The following RFX2 variants were observed in gnomAD, a reference collection of about 807,000 sequenced individuals.
RFX2 encodes the protein DNA-binding protein RFX2.
Under a neutral mutation model 87.8 loss-of-function variants are expected in RFX2, and 20 were observed. The ratio of observed to expected loss-of-function variants is 0.23; its 90% confidence interval spans 0.16 to 0.33. The LOEUF (loss-of-function observed/expected upper bound fraction) is 0.33. RFX2 is among the 10% of genes least tolerant of loss of function. The pLI is 1.00. For synonymous variants in RFX2, 397 were observed against 431.3 expected, an observed-to-expected ratio of 0.92 and a Z score of 0.98; for missense variants, 767 against 1,012.3, an observed-to-expected ratio of 0.76 and a Z score of 3.29.
chr19:6,098,711 C>T (rs1435593064), intron 1 of RFX2, among the ~76,000 whole-genome samples: 2 of 152,046 alleles, frequency 1.3e-5, no homozygotes, highest in Non-Finnish European at 2.9e-5. Context: ...GAGGATTCTG[C>T]TTTGGCAGAT....
chr19:6,040,266 A>G lies in RFX2; in HGVS notation c.261-25T>C, dbSNP rs1488449415. 7.3e-6 allele frequency: 11 copies of G among 1,515,732 alleles called. No homozygotes were observed. The highest frequency in any genetic ancestry group is 8.9e-6 in the Non-Finnish European group (10 of 1,127,026). The allele number at this position is 1,515,732 out of a possible 1,614,324, so 93.9% of individuals were successfully genotyped here. A position where few individuals can be genotyped will look rare whatever the true frequency, so the allele number is the denominator to read the frequency against. Reference sequence around the variant, plus strand: ...TCTGTTAGAAAGAGAGAAGTCACGCATGGGACGCTGTCCCATTTAAATGCC... The same window carrying G: ...TCTGTTAGAAAGAGAGAAGTCACGCGTGGGACGCTGTCCCATTTAAATGCC... On this transcript the variant is annotated intron_variant, in intron 4 of 17. Transcript: ENST00000303657. This position sits in a 1 kb window ranked among gnomAD's most constrained non-coding sequence, Gnocchi z 6.1.
chr19:6,032,421 C>T lies in RFX2; in HGVS notation c.523-6184G>A, dbSNP rs560192554. 2.0e-5 allele frequency among the ~76,000 whole-genome samples: 3 copies of T among 152,260 alleles called. No homozygotes were observed. The South Asian group carries it at 6.2e-4, about 32-fold the overall frequency. On this transcript the variant is annotated intron_variant, in intron 5 of 17. Coordinates refer to ENST00000303657, the MANE Select transcript of RFX2 (RefSeq NM_000635.4). ...CTGGGATTACAGGCGTGAGCTACTG[C>T]GCCTGGCCCAAGAATGCAGATTGTT...
chr19:6,008,226 T>C lies in RFX2; in HGVS notation c.1016-2A>G. The C allele has an allele frequency of 6.5e-7, 1 of 1,544,658 alleles. No individual in the cohort carries two copies. Among genetic ancestry groups the C allele is most frequent in the Non-Finnish European group, 8.8e-7 (1 of 1,138,560 alleles). On this transcript the variant is annotated splice_acceptor_variant, in intron 9 of 17. Transcript: ENST00000303657. LOFTEE classifies it high-confidence loss of function. ...ACTCGGGGAAGACGTGGGAGACATC[T>C]GGGGGAGGAACACGGGAACATCAGA... is the stretch of plus-strand genomic sequence containing the variant.
At chr19:6,081,371 C>T (rs1209380759) in intron 1 of RFX2, among the ~76,000 whole-genome samples, 1 of 152,180 alleles carries the variant, frequency 6.6e-6, no homozygotes, top group Non-Finnish European at 1.5e-5. Context: ...GCTTCTAAGA[C>T]CTGTCTGTGG....
rs983714385 is a variant in RFX2, at chr19:6,004,713, A to G, written c.1403-415T>C. Among the ~76,000 whole-genome samples, 1 of 152,164 alleles carries G rather than the reference A, an allele frequency of 6.6e-6. No individual in the cohort carries two copies. The highest frequency in any genetic ancestry group is 1.5e-5 in the Non-Finnish European group (1 of 68,020). ...TGCCAAGGGAAAGAGGCCTTGACAC[A>G]AACACACACACACACGTAAATACAT... is the stretch of plus-strand genomic sequence containing the variant. On this transcript the variant is annotated intron_variant, in intron 12 of 17. Coordinates refer to ENST00000303657, the MANE Select transcript of RFX2 (RefSeq NM_000635.4). The surrounding 1 kb of genome is among the most constrained non-coding windows in gnomAD (Gnocchi z 4.8).
In RFX2 at chr19:6,002,936, A is replaced by AT. The variant is rs1305534802; in HGVS notation, c.1501-67_1501-66insA. 6.5e-7 allele frequency: 1 copy of AT among 1,529,800 alleles called. No individual in the cohort carries two copies. The highest frequency in any genetic ancestry group is 8.8e-7 in the Non-Finnish European group (1 of 1,137,860). The allele number at this position is 1,529,800 out of a possible 1,614,324, so 94.8% of individuals were successfully genotyped here. ...GAGCCTGTTCCGCTGCGCTCCTTGC[A>AT]GGGGTGTGTGGGCTCAGGGACAACA... On this transcript the variant is annotated intron_variant, in intron 13 of 17. Coordinates refer to ENST00000303657, the MANE Select transcript of RFX2 (RefSeq NM_000635.4). This position sits in a 1 kb window ranked among gnomAD's most constrained non-coding sequence, Gnocchi z 6.7.
intron 1 of RFX2, among the ~76,000 whole-genome samples, chr19:6,070,751 G>T (rs150589316): frequency 6.6e-6 from 1 of 152,162 alleles, no homozygotes; most frequent in Non-Finnish European, 1.5e-5. Flanking sequence ...ACCCAGGCTG[G>T]AGTACAGTGG....
chr19:6,059,539 G>T (rs2087397287), intron 1 of RFX2, among the ~76,000 whole-genome samples: 1 of 152,088 alleles, frequency 6.6e-6, no homozygotes, highest in African/African-American at 2.4e-5. Flanking sequence ...GTTATGGGGT[G>T]CCCTAAAGTC....
Position 6,083,678 on chromosome 19 carries a change from TC to T in RFX2, c.-9+26714del, listed in dbSNP as rs2144864774. 6.6e-6 allele frequency among the ~76,000 whole-genome samples: 1 copy of T among 151,964 alleles called. No individual in the cohort carries two copies. The highest frequency in any genetic ancestry group is 2.1e-4 in the South Asian group (1 of 4,818). On this transcript the variant is annotated intron_variant, in intron 1 of 17. Transcript: ENST00000303657. This position sits in a 1 kb window ranked among gnomAD's most constrained non-coding sequence, Gnocchi z 4.6. ...GCCTCCACTTCCAGAGCTCAAGTGATCCTCCTGCTCAGCTTCCCCAGAAGCT... is the reference window on the plus strand; with the variant it reads ...GCCTCCACTTCCAGAGCTCAAGTGATCTCCTGCTCAGCTTCCCCAGAAGCT...
intron 12 of RFX2, 67 bp downstream of exon 12, chr19:6,006,932 GAAGACGTACATGT>G (rs2086590520): frequency 6.6e-7 from 1 of 1,509,662 alleles, no homozygotes; most frequent in Admixed American, 1.8e-5. Context: ...TGAGGTGGCT[GAAGACGTACATGT>G]AAGAAAGGAC....
At position 6,044,145 on chromosome 19, in the gene RFX2, G is replaced by A; in HGVS notation, c.180+48C>T. ...TTCAGAGATTGTTCTGGATTGCTGA[G>A]TGCTAACTGCGCCCCGGTTTGCACG... On this transcript the variant is annotated intron_variant, in intron 3 of 17. Coordinates refer to ENST00000303657, the MANE Select transcript of RFX2 (RefSeq NM_000635.4). The surrounding 1 kb of genome is among the most constrained non-coding windows in gnomAD (Gnocchi z 5.3). 8.6e-7 allele frequency: 1 copy of A among 1,159,776 alleles called. No individual in the cohort carries two copies. The highest frequency in any genetic ancestry group is 1.2e-6 in the Non-Finnish European group (1 of 866,506). 71.8% of individuals were successfully genotyped at this position (1,159,776 alleles called of 1,614,324 possible).
In RFX2 at chr19:6,074,741, A is replaced by G. The variant is rs1333346445; in HGVS notation, c.-8-27237T>C. On this transcript the variant is annotated intron_variant, in intron 1 of 17. Transcript: ENST00000303657. The surrounding 1 kb of genome is among the most constrained non-coding windows in gnomAD (Gnocchi z 5.2). ...CAAGGTGACCTGGGGCAGTGACAGG[A>G]CAGAGGCAGAGTGAGGTGAGGAAAG... Among the ~76,000 whole-genome samples, 1 of 152,176 alleles carries G rather than the reference A, an allele frequency of 6.6e-6. No homozygotes were observed. Among genetic ancestry groups the G allele is most frequent in the African/African-American group, 2.4e-5 (1 of 41,448 alleles).
At position 6,013,191 on chromosome 19, in the gene RFX2, C is replaced by T. The variant is rs1326548240; in HGVS notation, c.780-86G>A. 4 of 1,075,726 alleles carry T rather than the reference C, an allele frequency of 3.7e-6. No individual in the cohort carries two copies. Among genetic ancestry groups the T allele is most frequent in the Non-Finnish European group, 3.7e-6 (3 of 801,048 alleles). The allele number at this position is 1,075,726 out of a possible 1,614,324, so 66.6% of individuals were successfully genotyped here. A position where few individuals can be genotyped will look rare whatever the true frequency, so the allele number is the denominator to read the frequency against. The stretch of plus-strand genomic sequence containing the variant: ...TTGGGATTCTTTTTCTTTCTTTCTT[C>T]TTTTTTTTTTTTGAGACAGAATCTC... On this transcript the variant is annotated intron_variant, in intron 7 of 17. Coordinates refer to ENST00000303657, the MANE Select transcript of RFX2 (RefSeq NM_000635.4). The surrounding 1 kb of genome is among the most constrained non-coding windows in gnomAD (Gnocchi z 4.1).
intron 1 of RFX2, among the ~76,000 whole-genome samples, chr19:6,094,888 G>A (rs2087998736): frequency 6.6e-6 from 1 of 152,062 alleles, no homozygotes. Context: ...TAGCCCTTTG[G>A]GAGGCTGAGG....
Position 6,003,778 on chromosome 19 carries a change from C to CAAAA in RFX2, c.1500+419_1500+422dup, listed in dbSNP as rs57470328. On this transcript the variant is annotated intron_variant, in intron 13 of 17. Transcript: ENST00000303657. ...TGGGCGACAGAGTGAGACTCTGTCT[C>CAAAA]AAAAAAAAAAAAAAAAAAAAAAAAA... is the stretch of plus-strand genomic sequence containing the variant. 5.1e-3 allele frequency among the ~76,000 whole-genome samples: 215 copies of CAAAA among 42,000 alleles called. 8 individuals carry two copies. The highest frequency in any genetic ancestry group is 0.011 in the African/African-American group (143 of 13,594). The allele number at this position is 42,000 out of a possible 152,430, so 27.6% of individuals were successfully genotyped here.
intron 1 of RFX2, among the ~76,000 whole-genome samples, chr19:6,093,513 C>A (rs926447002): frequency 1.3e-5 from 2 of 151,714 alleles, no homozygotes; most frequent in Non-Finnish European, 1.5e-5. Flanking sequence ...CCAGCCTGGG[C>A]GACAGAGCAA....
chr19:6,105,029 A>C (rs573073995), intron 1 of RFX2, among the ~76,000 whole-genome samples: 1 of 151,888 alleles, frequency 6.6e-6, no homozygotes, highest in South Asian at 2.1e-4. Flanking sequence ...GAGGCAGAAA[A>C]ATTGCTTGAA....
rs755921885 is a variant in RFX2 at position 5,998,257 on chromosome 19, G to A, written c.1860-1044C>T. ...TGGGAGGCGGAGGCTGCAGTGAGCC[G>A]AGATCATGTCGCTGCACTCTAGCCT... On this transcript the variant is annotated intron_variant, in intron 15 of 17. Coordinates refer to ENST00000303657, the MANE Select transcript of RFX2 (RefSeq NM_000635.4). The surrounding 1 kb of genome is among the most constrained non-coding windows in gnomAD (Gnocchi z 4.2). 2.6e-5 allele frequency among the ~76,000 whole-genome samples: 4 copies of A among 152,134 alleles called. No homozygotes were observed. Among genetic ancestry groups the A allele is most frequent in the Non-Finnish European group, 4.4e-5 (3 of 68,026 alleles).
chr19:6,042,392 C>A (rs187304545), intron 3 of RFX2, among the ~76,000 whole-genome samples: 1 of 152,152 alleles, frequency 6.6e-6, no homozygotes, highest in Non-Finnish European at 1.5e-5. Context: ...CCTCTGTATA[C>A]GTGGGGGCGG....
Sources: allele counts gnomAD v4.1 joint callset (sites outside exome capture counted in the v4.1 genomes callset), GRCh38; gene constraint gnomAD v4.1.1; non-coding constraint Gnocchi (gnomAD v3.1); transcripts MANE v1.5; gene names NCBI Gene and HGNC (gene_info 2026-07-23, HGNC 2026-07-21).